ANGPTL5: variants seen among roughly 807,000 people sequenced by gnomAD.
ANGPTL5 encodes the protein angiopoietin like 5.
ANGPTL5 carries 34 observed loss-of-function variants against 39.4 expected under a neutral mutation model. The observed-to-expected ratio is 0.86, with a 90% CI of 0.66 to 1.15. The LOEUF is 1.15. Among genes scored for constraint, ANGPTL5 ranks in the 50% most tolerant of loss-of-function variants. The probability of loss-of-function intolerance (pLI) is 0.00; values close to 1 mark genes in which losing one functional copy is unlikely to be tolerated. For synonymous variants in ANGPTL5, 146 were observed against 152.1 expected (o/e 0.96, Z 0.29); for missense variants, 467 against 457.5 (o/e 1.02, Z -0.19).
intron 8 of ANGPTL5, among the ~76,000 whole-genome samples, chr11:101,893,081 C>T (rs1939730102): frequency 1.3e-5 from 2 of 152,232 alleles, no homozygotes; most frequent in East Asian, 3.9e-4. Flanking sequence ...TAGATAAAGT[C>T]CGACCACCAG....
chr11:101,906,974 G>A, intron 3 of ANGPTL5, 129 bp downstream of exon 3: 3 of 684,860 alleles, frequency 4.4e-6, no homozygotes, highest in South Asian at 4.4e-5. Flanking sequence ...AAACAATAAA[G>A]CTTCTGGCCT....
At position 101,897,117 on chromosome 11, in the gene ANGPTL5, CT is replaced by C. The variant is rs942454158; in HGVS notation, c.662-2054del. On this transcript the variant is annotated intron_variant, in intron 7 of 8. Transcript: ENST00000334289. ...TTCTCTAATGACCAGTGATGACAAG[CT>C]TTTTTTCATATGTGGTTGGCCGCTT... Among the ~76,000 whole-genome samples the C allele has an allele frequency of 1.2e-4, 18 of 152,274 alleles. No individual in the cohort carries two copies. The East Asian group carries it at 1.3e-3, about 11-fold the overall frequency.
intron 5 of ANGPTL5, among the ~76,000 whole-genome samples, chr11:101,904,402 T>C (rs911902674): frequency 6.6e-6 from 1 of 152,324 alleles, no homozygotes; most frequent in East Asian, 1.9e-4. Context: ...CTTACATTTC[T>C]TTTTCTTTTC....
intron 1 of ANGPTL5, chr11:101,915,264 C>T: frequency 6.2e-7 from 1 of 1,612,634 alleles, no homozygotes; most frequent in Non-Finnish European, 8.5e-7. Flanking sequence ...GGCGAGCAGA[C>T]AGGCGGCGCT....
intron 1 of ANGPTL5, among the ~76,000 whole-genome samples, chr11:101,911,275 C>T (rs772160502): frequency 1.3e-4 from 19 of 151,792 alleles, no homozygotes; most frequent in Non-Finnish European, 2.2e-4. Flanking sequence ...AGGCGCTTGC[C>T]ACCACGCCCA....
chr11:101,908,541 G>A (rs1017552496), intron 1 of ANGPTL5, among the ~76,000 whole-genome samples: 3 of 152,156 alleles, frequency 2.0e-5, no homozygotes, highest in African/African-American at 7.2e-5. Flanking sequence ...CACTTTGGGA[G>A]GCTGAGGTAG....
rs771287575 is a variant in ANGPTL5 at position 101,907,113 on chromosome 11, A to G, written c.231T>C (p.His77=). The G allele has an allele frequency of 7.6e-6, 12 of 1,577,836 alleles. No individual in the cohort carries two copies. The highest frequency in any genetic ancestry group is 1.1e-5 in the South Asian group (1 of 88,918). The change falls in exon 3 of 9, where the codon CAT becomes CAC. Residue 77 remains histidine, a synonymous_variant. Coordinates refer to ENST00000334289, the MANE Select transcript of ANGPTL5 (RefSeq NM_178127.5). ...ATTTTTAATACTTACTACACATGAA[A>G]TGTTTTTCTTCTCGTGTAATTTTAG... ...VKTKITREEK[H]FMCRNLQNSI...
chr11:101,896,272 T>TC (rs1939792724), intron 7 of ANGPTL5, among the ~76,000 whole-genome samples: 1 of 150,714 alleles, frequency 6.6e-6, no homozygotes. Context: ...AACTTCCGCC[T>TC]CCCCCCAGTT....
chr11:101,902,333 C>T (rs998322685), intron 6 of ANGPTL5, among the ~76,000 whole-genome samples: 26 of 152,030 alleles, frequency 1.7e-4, no homozygotes, highest in East Asian at 3.9e-4. Context: ...CTGCCTGTTA[C>T]GAGGATAATA....
chr11:101,898,968 C>T (rs1472981482), intron 7 of ANGPTL5, among the ~76,000 whole-genome samples: 1 of 152,166 alleles, frequency 6.6e-6, no homozygotes, highest in Non-Finnish European at 1.5e-5. Context: ...ATATGTTGAA[C>T]CAGCCTTGCA....
chr11:101,894,194 AC>A, intron 8 of ANGPTL5, among the ~76,000 whole-genome samples: 1 of 152,188 alleles, frequency 6.6e-6, no homozygotes, highest in East Asian at 1.9e-4. Flanking sequence ...GCAGTTAAAG[AC>A]CTGGGAACAT....
chr11:101,904,941 T>G, intron 4 of ANGPTL5, 34 bp from the exon 5 acceptor site: 1 of 1,520,702 alleles, frequency 6.6e-7, no homozygotes, highest in Non-Finnish European at 9.1e-7. Flanking sequence ...AGTAAATTTA[T>G]ATTTGAAGAA....
At chr11:101,913,324 T>C (rs1371464169) in intron 1 of ANGPTL5, among the ~76,000 whole-genome samples, 1 of 152,264 alleles carries the variant, frequency 6.6e-6, no homozygotes, top group Admixed American at 6.5e-5. Context: ...CATATGTTAC[T>C]GTTTGTTCAA....
intron 1 of ANGPTL5, among the ~76,000 whole-genome samples, chr11:101,910,278 C>T (rs1157440861): frequency 7.9e-5 from 12 of 151,512 alleles, no homozygotes; most frequent in African/African-American, 1.5e-4. Context: ...GGCGTGGTGG[C>T]GCATGCCTGT....
intron 5 of ANGPTL5, among the ~76,000 whole-genome samples, chr11:101,903,454 T>G (rs1030942334): frequency 6.6e-6 from 1 of 152,152 alleles, no homozygotes; most frequent in South Asian, 2.1e-4. Context: ...ATTATCCAAA[T>G]GCCCATCTTA....
In ANGPTL5 at chr11:101,904,835, G is replaced by A; in HGVS notation, c.418C>T (p.His140Tyr). Residue 140 changes from histidine (H) to tyrosine (Y), a missense_variant, in exon 5 of 9, where the codon CAC becomes TAC. His to Tyr is a moderately conservative substitution (Grantham distance 83). Transcript: ENST00000334289. ...VFRKQLDPFP[H>Y]RPVQSHGLDC... is the part of the protein sequence containing the mutation. ...TCACCATGTGACTGAACAGGTCTGT[G>A]AGGAAAAGGATCCAGCTGTTTTCTA... 1 of 1,613,528 alleles carries A rather than the reference G, an allele frequency of 6.2e-7. No homozygotes were observed.
intron 1 of ANGPTL5, chr11:101,915,331 G>T (rs1459552108): frequency 1.1e-5 from 18 of 1,613,980 alleles, no homozygotes; most frequent in Non-Finnish European, 1.5e-5. Context: ...GGGGAACTGG[G>T]CACTGAATCA....
At position 101,902,659 on chromosome 11, in the gene ANGPTL5, A is replaced by T. The variant is rs762983900; in HGVS notation, c.502T>A (p.Tyr168Asn). 3.1e-6 allele frequency: 5 copies of T among 1,612,058 alleles called. No homozygotes were observed. In the Admixed American group the frequency reaches 8.3e-5, roughly 27 times the overall value. ...GSVTKTPSGL[Y>N]IIHPEGSSYP... is the part of the protein sequence containing the mutation. The stretch of plus-strand genomic sequence containing the variant: ...CTAGATCCTTCTGGGTGAATTATGT[A>T]TAAACCACTCGGTGTTTTGGTGACA... Residue 168 changes from tyrosine (Y) to asparagine (N), a missense_variant, in exon 6 of 9, where the codon TAC becomes AAC. Physicochemically the swap from Tyr to Asn is moderately radical, Grantham distance 143. Coordinates refer to ENST00000334289, the MANE Select transcript of ANGPTL5 (RefSeq NM_178127.5).
intron 1 of ANGPTL5, among the ~76,000 whole-genome samples, chr11:101,911,804 T>C (rs1459804149): frequency 2.0e-5 from 3 of 152,220 alleles, no homozygotes. Flanking sequence ...TAATACACCC[T>C]ACCTCACTCT....
Sources: allele counts gnomAD v4.1 joint callset (sites outside exome capture counted in the v4.1 genomes callset), GRCh38; gene constraint gnomAD v4.1.1; transcripts MANE v1.5; gene names NCBI Gene and HGNC (gene_info 2026-07-23, HGNC 2026-07-21).